CFAP161: variants seen among roughly 807,000 people sequenced by gnomAD.
The protein encoded by CFAP161 is cilia- and flagella-associated protein 161.
Under a neutral mutation model 29.0 loss-of-function variants are expected in CFAP161, and 25 were observed. The ratio of observed to expected loss-of-function variants is 0.86; its 90% CI spans 0.63 to 1.20. The LOEUF is 1.20. CFAP161 is among the 50% of genes most tolerant of loss of function. CFAP161 has a pLI of 0.00. For synonymous variants in CFAP161, 116 were observed against 137.4 expected (o/e 0.84, Z 1.09); for missense variants, 367 against 371.9 (o/e 0.99, Z 0.11).
chr15:81,117,788 C>T, intron 1 of CFAP161: 1 of 304,236 alleles, frequency 3.3e-6, no homozygotes, highest in Non-Finnish European at 6.5e-6. Flanking sequence ...TTGTCATCAT[C>T]CCCTTCTACA....
intron 1 of CFAP161, among the ~76,000 whole-genome samples, chr15:81,110,447 CTG>C (rs1894426204): frequency 6.6e-6 from 1 of 152,116 alleles, no homozygotes; most frequent in African/African-American, 2.4e-5. Context: ...CCCAGGATAT[CTG>C]TGAATTTCCA....
upstream of CFAP161, among the ~76,000 whole-genome samples, chr15:81,133,329 A>T (rs946649551): frequency 2.0e-5 from 3 of 150,776 alleles, no homozygotes; most frequent in Non-Finnish European, 3.0e-5. Context: ...AAAGTGCTGG[A>T]TTATAGGCTT....
intron 1 of CFAP161, among the ~76,000 whole-genome samples, chr15:81,127,247 C>A (rs1364485018): frequency 6.6e-6 from 1 of 152,190 alleles, no homozygotes; most frequent in African/African-American, 2.4e-5. Flanking sequence ...AATTAGCCAT[C>A]CTGCACCCAC....
intron 1 of CFAP161, among the ~76,000 whole-genome samples, chr15:81,122,923 T>C (rs1039414518): frequency 1.3e-5 from 2 of 152,220 alleles, no homozygotes; most frequent in Non-Finnish European, 2.9e-5. Flanking sequence ...AAGTTCCTTA[T>C]AGATGCTGGA....
At chr15:81,114,137 C>T (rs1056176773) in intron 1 of CFAP161, among the ~76,000 whole-genome samples, 1 of 152,108 alleles carries the variant, frequency 6.6e-6, no homozygotes, top group African/African-American at 2.4e-5. Context: ...GACAGAGCTG[C>T]TACAACATAC....
At chr15:81,102,727 G>A (rs1211718473) in intron 1 of CFAP161, among the ~76,000 whole-genome samples, 1 of 152,144 alleles carries the variant, frequency 6.6e-6, no homozygotes, top group East Asian at 1.9e-4. Context: ...TTCTGCAGAG[G>A]GCAGGCTGGT....
chr15:81,123,686 C>T (rs1003119404), intron 1 of CFAP161, among the ~76,000 whole-genome samples: 3 of 152,096 alleles, frequency 2.0e-5, no homozygotes, highest in Non-Finnish European at 4.4e-5. Flanking sequence ...GAATGTTTTT[C>T]CATTTGTTGT....
chr15:81,117,722 A>C, intron 1 of CFAP161: 1 of 315,320 alleles, frequency 3.2e-6, no homozygotes, highest in Non-Finnish European at 6.4e-6. Context: ...CTTCATCCTC[A>C]TCCATCTTCA....
intron 1 of CFAP161, among the ~76,000 whole-genome samples, chr15:81,109,911 T>C (rs979766210): frequency 6.6e-5 from 10 of 152,242 alleles, no homozygotes; most frequent in African/African-American, 2.4e-4. Context: ...ACTGCTGATT[T>C]CTTTGGGGCA....
intron 3 of CFAP161, 84 bp downstream of exon 3, chr15:81,136,832 T>C (rs996034642): frequency 4.5e-6 from 5 of 1,106,016 alleles, no homozygotes; most frequent in African/African-American, 3.1e-5. Flanking sequence ...TTGGAGCCAC[T>C]GAGTGGAGGG....
chr15:81,105,487 A>G (rs1236404304), intron 1 of CFAP161, among the ~76,000 whole-genome samples: 8 of 150,832 alleles, frequency 5.3e-5, no homozygotes, highest in African/African-American at 2.0e-4. Context: ...GCCCAATCAC[A>G]GCTCACTGCA....
At chr15:81,114,755 C>T (rs540676466) in intron 1 of CFAP161, among the ~76,000 whole-genome samples, 1 of 152,274 alleles carries the variant, frequency 6.6e-6, no homozygotes, top group South Asian at 2.1e-4. Flanking sequence ...GCTCCGCCTC[C>T]CGGGTTCACG....
At chr15:81,110,347 G>T (rs1001216225) in intron 1 of CFAP161, among the ~76,000 whole-genome samples, 3 of 152,088 alleles carry the variant, frequency 2.0e-5, no homozygotes, top group African/African-American at 7.2e-5. Flanking sequence ...TCAGTTAAAG[G>T]TCTCTATGTT....
At position 81,134,382 on chromosome 15, in the gene CFAP161, A is replaced by G; in HGVS notation, c.53A>G (p.Asp18Gly). The change falls in exon 1 of 7, where the codon GAT becomes GGT. Residue 18 changes from aspartate to glycine, a missense_variant. Physicochemically the swap from Asp to Gly is moderately conservative, Grantham distance 94 (BLOSUM62 -1). Coordinates refer to ENST00000286732, the MANE Select transcript of CFAP161 (RefSeq NM_173528.4). ...GTCCGGATAGGCAACTGGAATGAGGATGTCTACCTGGAGGAGGTACGCAGG... is the reference window on the plus strand; with the variant it reads ...GTCCGGATAGGCAACTGGAATGAGGGTGTCTACCTGGAGGAGGTACGCAGG... ...PGVRIGNWNE[D>G]VYLEEELMKD... The G allele has an allele frequency of 6.3e-7, 1 of 1,588,304 alleles. No individual in the cohort carries two copies. Among genetic ancestry groups the G allele is most frequent in the Non-Finnish European group, 8.6e-7 (1 of 1,168,338 alleles).
chr15:81,099,493 C>T (rs1894278282), intron 1 of CFAP161: 1 of 152,258 alleles, frequency 6.6e-6, no homozygotes, highest in Non-Finnish European at 1.5e-5. Flanking sequence ...TCCCAGAACA[C>T]TCCATGCCAC....
At chr15:81,116,177 T>C (rs777555435) in intron 1 of CFAP161, among the ~76,000 whole-genome samples, 10 of 152,226 alleles carry the variant, frequency 6.6e-5, no homozygotes, top group Non-Finnish European at 1.0e-4. Context: ...GGTTACCAGC[T>C]ATTAACTGTG....
At chr15:81,115,291 C>T (rs1894483702) in intron 1 of CFAP161, among the ~76,000 whole-genome samples, 1 of 152,020 alleles carries the variant, frequency 6.6e-6, no homozygotes, top group Admixed American at 6.6e-5. Flanking sequence ...TATCTTTTTC[C>T]AAAAGCATCA....
intron 1 of CFAP161, among the ~76,000 whole-genome samples, chr15:81,111,505 T>C (rs538042429): frequency 1.3e-5 from 2 of 152,370 alleles, no homozygotes; most frequent in Non-Finnish European, 2.9e-5. Flanking sequence ...CTGCTTTAAA[T>C]CCAGGCAATG....
Position 81,148,623 on chromosome 15 carries a change from A to G in CFAP161, c.*90A>G. On this transcript the variant is annotated 3_prime_UTR_variant, in exon 7 of 7. Coordinates refer to ENST00000286732, the MANE Select transcript of CFAP161 (RefSeq NM_173528.4). ...AACAACCTTGGTCATGCCTCAAGCT[A>G]TTTTTGAATCAGATGTGGGACTCTC... 3.9e-6 allele frequency: 5 copies of G among 1,290,338 alleles called. No homozygotes were observed. Among genetic ancestry groups the G allele is most frequent in the South Asian group, 1.6e-5 (1 of 63,148 alleles). The allele number at this position is 1,290,338 out of a possible 1,614,324, so 79.9% of individuals were successfully genotyped here. A position where few individuals can be genotyped will look rare whatever the true frequency, so the allele number is the denominator to read the frequency against.
Sources: allele counts gnomAD v4.1 joint callset (sites outside exome capture counted in the v4.1 genomes callset), GRCh38; gene constraint gnomAD v4.1.1; transcripts MANE v1.5; gene names NCBI Gene and HGNC (gene_info 2026-07-23, HGNC 2026-07-21).